KAT6B: variants seen among roughly 807,000 people sequenced by gnomAD.
KAT6B encodes histone acetyltransferase KAT6B.
Under a neutral mutation model 187.5 loss-of-function variants are expected in KAT6B, and 10 were observed. That is an observed-to-expected ratio of 0.05 (90% CI 0.03 to 0.09). The LOEUF (loss-of-function observed/expected upper bound fraction) is 0.09, where lower values mean the gene tolerates loss of function less well. Ranked by LOEUF, KAT6B falls within the 10% of genes least tolerant of loss-of-function variation. The pLI is 1.00. For missense variants in KAT6B, 1,952 were observed against 2,558.9 expected (o/e 0.76, Z 5.12); for synonymous variants, 861 against 926.8 (o/e 0.93, Z 1.29).
chr10:74,914,761 G>A (rs958303955), intron 3 of KAT6B, among the ~76,000 whole-genome samples: 2 of 152,058 alleles, frequency 1.3e-5, no homozygotes, highest in African/African-American at 2.4e-5. Context: ...CTAGTTTATA[G>A]TGTTCTTTTA....
At chr10:74,935,077 A>G (rs1467235468) in intron 3 of KAT6B, among the ~76,000 whole-genome samples, 4 of 152,190 alleles carry the variant, frequency 2.6e-5, no homozygotes, top group Admixed American at 1.3e-4. Flanking sequence ...TTATTGAACA[A>G]TTTCTGTGCT....
intron 3 of KAT6B, among the ~76,000 whole-genome samples, chr10:74,955,905 C>G (rs893722728): frequency 6.6e-6 from 1 of 152,100 alleles, no homozygotes; most frequent in African/African-American, 2.4e-5. Flanking sequence ...TGTTTAGTCA[C>G]CTTAATTGGT....
At chr10:74,939,527 A>G (rs1235886874) in intron 3 of KAT6B, among the ~76,000 whole-genome samples, 1 of 151,932 alleles carries the variant, frequency 6.6e-6, no homozygotes, top group Non-Finnish European at 1.5e-5. Context: ...CTGCCTCCCA[A>G]GTAGCTGGGA....
At chr10:74,857,042 G>T (rs578206354) in intron 3 of KAT6B, among the ~76,000 whole-genome samples, 1 of 152,328 alleles carries the variant, frequency 6.6e-6, no homozygotes, top group South Asian at 2.1e-4. Context: ...GCATCTGCTA[G>T]ATCTTCGTTT....
chr10:74,970,713 C>T (rs1227608817), intron 6 of KAT6B, among the ~76,000 whole-genome samples: 1 of 151,970 alleles, frequency 6.6e-6, no homozygotes, highest in East Asian at 1.9e-4. Context: ...CCATAATTTA[C>T]ATTGTGGAAG....
intron 8 of KAT6B, chr10:74,976,945 T>A (rs1000443145): frequency 1.1e-5 from 3 of 280,246 alleles, no homozygotes; most frequent in Non-Finnish European, 2.1e-5. Context: ...ACCGAAACTG[T>A]GTCATTTGGA....
At chr10:74,944,000 C>T (rs1311428785) in intron 3 of KAT6B, among the ~76,000 whole-genome samples, 1 of 152,176 alleles carries the variant, frequency 6.6e-6, no homozygotes, top group Non-Finnish European at 1.5e-5. Flanking sequence ...TTGTGTTCCT[C>T]AGGAAGCAGC....
chr10:74,964,229 C>T (rs1002456290), intron 4 of KAT6B, among the ~76,000 whole-genome samples: 3 of 152,150 alleles, frequency 2.0e-5, no homozygotes, highest in African/African-American at 7.2e-5. Context: ...GATTGACCAT[C>T]CAAAGAGATG....
chr10:74,926,450 T>A (rs1288524933), intron 3 of KAT6B, among the ~76,000 whole-genome samples: 1 of 152,184 alleles, frequency 6.6e-6, no homozygotes, highest in Non-Finnish European at 1.5e-5. Context: ...TGAGACTCTG[T>A]CTCAAAAAAC....
Position 75,030,012 on chromosome 10 carries a change from G to A in KAT6B, c.5188G>A (p.Gly1730Arg), listed in dbSNP as rs756953458. The change falls in exon 18 of 18, where the codon GGG becomes AGG. Residue 1730 changes from glycine to arginine, a missense_variant. Coordinates refer to ENST00000287239, the MANE Select transcript of KAT6B (RefSeq NM_012330.4). The surrounding 1 kb of genome is among the most constrained non-coding windows in gnomAD (Gnocchi z 4.8). The part of the protein sequence containing the change: ...AVTQQMSNIS[G>R]SCSMLQQTSI... ...CACCCAGCAGATGTCCAACATCAGC[G>A]GGAGCTGCAGCATGCTGCAGCAAAC... is the stretch of plus-strand genomic sequence containing the variant. 1.2e-5 allele frequency: 19 copies of A among 1,614,018 alleles called. No individual in the cohort carries two copies. The highest frequency in any genetic ancestry group is 1.4e-5 in the Non-Finnish European group (17 of 1,180,020).
intron 3 of KAT6B, among the ~76,000 whole-genome samples, chr10:74,893,926 G>A (rs1488847459): frequency 6.6e-6 from 1 of 152,150 alleles, no homozygotes; most frequent in African/African-American, 2.4e-5. Context: ...CAACTTGCCA[G>A]CAATTACTGT....
At chr10:74,925,909 G>A (rs1311545914) in intron 3 of KAT6B, among the ~76,000 whole-genome samples, 1 of 152,096 alleles carries the variant, frequency 6.6e-6, no homozygotes, top group African/African-American at 2.4e-5. Flanking sequence ...CAGAACAGAT[G>A]CAGCTTGTGT....
chr10:75,026,800 G>A (rs1462394122), intron 17 of KAT6B, among the ~76,000 whole-genome samples: 1 of 152,036 alleles, frequency 6.6e-6, no homozygotes, highest in Non-Finnish European at 1.5e-5. Flanking sequence ...TTTGGGAGGT[G>A]TTCCAACAAA....
At chr10:74,896,544 C>A (rs897747558) in intron 3 of KAT6B, among the ~76,000 whole-genome samples, 5 of 152,182 alleles carry the variant, frequency 3.3e-5, no homozygotes, top group African/African-American at 1.2e-4. Flanking sequence ...CCTGCCTTGG[C>A]CTCCCAAAGT....
intron 13 of KAT6B, among the ~76,000 whole-genome samples, chr10:74,999,239 T>A (rs1430300725): frequency 6.6e-6 from 1 of 152,202 alleles, no homozygotes; most frequent in Non-Finnish European, 1.5e-5. Context: ...TACTGGTATT[T>A]ATTGAATGCA....
intron 3 of KAT6B, among the ~76,000 whole-genome samples, chr10:74,864,624 T>A (rs2132327313): frequency 6.6e-6 from 1 of 151,670 alleles, no homozygotes; most frequent in African/African-American, 2.4e-5. Context: ...TCACTGCAAC[T>A]TCCGCCTCCT....
intron 3 of KAT6B, among the ~76,000 whole-genome samples, chr10:74,851,577 T>C (rs1842486206): frequency 6.6e-6 from 1 of 152,108 alleles, no homozygotes; most frequent in South Asian, 2.1e-4. Context: ...GTGATCCACC[T>C]GCCTCGGCCT....
At chr10:74,854,207 G>T (rs1286134532) in intron 3 of KAT6B, among the ~76,000 whole-genome samples, 1 of 152,206 alleles carries the variant, frequency 6.6e-6, no homozygotes, top group African/African-American at 2.4e-5. Flanking sequence ...GTGACATTTT[G>T]AGTTAGCAGG....
chr10:74,860,670 A>G (rs1413255472), intron 3 of KAT6B, among the ~76,000 whole-genome samples: 1 of 152,226 alleles, frequency 6.6e-6, no homozygotes, highest in Non-Finnish European at 1.5e-5. Flanking sequence ...GGCACATAAT[A>G]TGGAAGTTAC....
Sources: allele counts gnomAD v4.1 joint callset (sites outside exome capture counted in the v4.1 genomes callset), GRCh38; gene constraint gnomAD v4.1.1; non-coding constraint Gnocchi (gnomAD v3.1); transcripts MANE v1.5; gene names NCBI Gene and HGNC (gene_info 2026-07-23, HGNC 2026-07-21).